The following DCLK2 variants were observed in gnomAD, a reference collection of about 807,000 sequenced individuals.
DCLK2 encodes the protein doublecortin like kinase 2.
In DCLK2, 31 loss-of-function variants were observed where a neutral mutation model predicts 78.4. That is an observed-to-expected ratio of 0.40 (90% CI 0.30 to 0.53). The LOEUF is 0.53. DCLK2 is among the 20% of genes least tolerant of loss of function. DCLK2 has a pLI of 0.61. For synonymous variants in DCLK2, 407 were observed against 374.9 expected, an observed-to-expected ratio of 1.09 and a Z score of -0.99; for missense variants, 872 against 973.7, an observed-to-expected ratio of 0.90 and a Z score of 1.39.
At chr4:150,200,112 A>G (rs926214417) in intron 4 of DCLK2, among the ~76,000 whole-genome samples, 2 of 152,248 alleles carry the variant, frequency 1.3e-5, no homozygotes, top group African/African-American at 4.8e-5. Flanking sequence ...AAAAATTAAC[A>G]TATTGAACTA....
chr4:150,248,358 A>G lies in DCLK2; in HGVS notation c.1929A>G (p.Gly643=), dbSNP rs1454197099. The change falls in exon 14 of 16, where the codon GGA becomes GGG. Residue 643 remains glycine (G), a synonymous_variant. Transcript: ENST00000296550. The part of the protein sequence containing the change: ...QVNVEARCTA[G]QILSHPWVSD... ...ATGTTGAAGCTCGGTGTACCGCGGG[A>G]CAAATCCTGAGTCACCCCTGGGTGT... The G allele has an allele frequency of 6.2e-7, 1 of 1,613,928 alleles. No individual in the cohort carries two copies. Among genetic ancestry groups the G allele is most frequent in the South Asian group, 1.1e-5 (1 of 91,074 alleles).
In DCLK2 at chr4:150,212,294, T is replaced by A. The variant is rs545419350; in HGVS notation, c.1056+8405T>A. On this transcript the variant is annotated intron_variant, in intron 5 of 15. Transcript: ENST00000296550. ...AAAGATTTTCCAGATTTGTGAAGTG[T>A]GATGAAAGGGCTGGTAGTATCTCAT... Among the ~76,000 whole-genome samples the A allele has an allele frequency of 8.5e-5, 13 of 152,342 alleles. No homozygotes were observed. In the East Asian group the frequency reaches 2.3e-3, roughly 27 times the overall value.
At chr4:150,091,767 TTATGTGTGTGTGTGTG>T (rs1373690861) in intron 1 of DCLK2, among the ~76,000 whole-genome samples, 2 of 133,720 alleles carry the variant, frequency 1.5e-5, no homozygotes, top group East Asian at 2.3e-4. Flanking sequence ...AAAGGAACAT[TTATGTGTGTGTGTGTG>T]TGTGTGTGTG....
At chr4:150,246,787 C>T (rs1249670845) in intron 12 of DCLK2, among the ~76,000 whole-genome samples, 1 of 152,138 alleles carries the variant, frequency 6.6e-6, no homozygotes, top group Non-Finnish European at 1.5e-5. Context: ...AGCCTGTATT[C>T]ATCAGGCACT....
At chr4:150,219,236 C>T (rs1207260044) in intron 5 of DCLK2, among the ~76,000 whole-genome samples, 1 of 136,486 alleles carries the variant, frequency 7.3e-6, no homozygotes, top group Non-Finnish European at 1.6e-5. Context: ...TGGCCATTTA[C>T]ATTCAACAGT....
At position 150,175,011 on chromosome 4, in the gene DCLK2, A is replaced by AAAAATATATATATATATATAT. The variant is rs1454035697; in HGVS notation, c.757-18126_757-18125insAAATATATATATATATATATA. On this transcript the variant is annotated intron_variant, in intron 2 of 15. Transcript: ENST00000296550. The stretch of plus-strand genomic sequence containing the variant: ...AGACTCCGTCGCAAAAAAAAAAAAA[A>AAAAATATATATATATATATAT]ATATATATATATATATATATATTTA... Among the ~76,000 whole-genome samples, 5 of 9,974 alleles carry AAAAATATATATATATATATAT rather than the reference A, an allele frequency of 5.0e-4. 2 individuals carry two copies. The highest frequency in any genetic ancestry group is 1.2e-3 in the Non-Finnish European group (5 of 4,166). The allele number at this position is 9,974 out of a possible 152,430, so 6.5% of individuals were successfully genotyped here.
chr4:150,124,688 C>G (rs1732801011), intron 2 of DCLK2, among the ~76,000 whole-genome samples: 1 of 152,072 alleles, frequency 6.6e-6, no homozygotes, highest in South Asian at 2.1e-4. Context: ...TTATAAAAGC[C>G]CACTTAAGTA....
chr4:150,079,680 T>C (rs72730320), intron 1 of DCLK2, among the ~76,000 whole-genome samples: 20,790 of 152,294 alleles, frequency 0.14, 1,814 homozygotes, highest in Non-Finnish European at 0.19. Context: ...AATTTCCTGA[T>C]GGTCAGGCCA....
At chr4:150,253,871 A>T (rs1744366977) in intron 15 of DCLK2, 2 of 985,336 alleles carry the variant, frequency 2.0e-6, no homozygotes, top group Non-Finnish European at 2.4e-6. Context: ...GCAGCTTAAG[A>T]TGGTGCCTTC....
In DCLK2 at chr4:150,160,871, A is replaced by G. The variant is rs1297279870; in HGVS notation, c.757-32267A>G. 2.6e-5 allele frequency among the ~76,000 whole-genome samples: 4 copies of G among 152,314 alleles called. No homozygotes were observed. The South Asian group carries it at 8.3e-4, about 32-fold the overall frequency. ...AGTGCCTCCATGTTATTGGTGAGAT[A>G]ATTAAAGCTCCAGAGAGGCTGTGAC... On this transcript the variant is annotated intron_variant, in intron 2 of 15. Coordinates refer to ENST00000296550, the MANE Select transcript of DCLK2 (RefSeq NM_001040260.4).
At chr4:150,219,258 CTTTTTTTT>C (rs375592229) in intron 5 of DCLK2, among the ~76,000 whole-genome samples, 3 of 72,128 alleles carry the variant, frequency 4.2e-5, no homozygotes, top group African/African-American at 1.1e-4. Flanking sequence ...CACAAACATT[CTTTTTTTT>C]TTTTTTTTTT....
At chr4:150,195,055 A>G in intron 3 of DCLK2, among the ~76,000 whole-genome samples, 1 of 143,516 alleles carries the variant, frequency 7.0e-6, no homozygotes. Context: ...GAAAGTCCTT[A>G]ATTATAGATA....
At chr4:150,219,673 A>AT (rs1258384013) in intron 5 of DCLK2, among the ~76,000 whole-genome samples, 5 of 152,232 alleles carry the variant, frequency 3.3e-5, no homozygotes, top group Admixed American at 2.6e-4. Context: ...TTTTACAGGG[A>AT]TAAGCTAATT....
intron 2 of DCLK2, among the ~76,000 whole-genome samples, chr4:150,156,524 A>AAATG (rs60728914): frequency 6.6e-6 from 1 of 151,370 alleles, no homozygotes; most frequent in Non-Finnish European, 1.5e-5. Context: ...ATAAATAAAT[A>AAATG]GCCGGGCATG....
chr4:150,201,018 A>G (rs1739408693), intron 4 of DCLK2, among the ~76,000 whole-genome samples: 1 of 152,124 alleles, frequency 6.6e-6, no homozygotes, highest in Non-Finnish European at 1.5e-5. Context: ...AGGTTTCGCC[A>G]TGTTGGCCAG....
In DCLK2 at chr4:150,221,710, CTCT is replaced by C; in HGVS notation, c.1171_1173del (p.Leu391del). The C allele has an allele frequency of 1.2e-6, 2 of 1,605,246 alleles. No individual in the cohort carries two copies. The highest frequency in any genetic ancestry group is 2.3e-5 in the East Asian group (1 of 44,318). On this transcript the variant is annotated inframe_deletion, in exon 7 of 16. Transcript: ENST00000296550. ...GGAAACAGATGCTCTGAATCATCAA[CTCT>C]TCTTGAGAAATACAAAATTGGAAAG...
At chr4:150,221,656 T>C in intron 6 of DCLK2, 21 bp from the exon 7 acceptor site, 2 of 1,507,740 alleles carry the variant, frequency 1.3e-6, no homozygotes, top group Non-Finnish European at 1.8e-6. Context: ...TCTTTAGAAT[T>C]TGCATTTATC....
chr4:150,256,210 G>C lies in DCLK2; in HGVS notation c.2264G>C (p.Gly755Ala), dbSNP rs752871470. Residue 755 changes from glycine to alanine, a missense_variant, in exon 16 of 16, where the codon GGT becomes GCT. This residue lies in a region of DCLK2 where 219 missense variants were observed against 230.1 expected (regional missense o/e 0.95). Transcript: ENST00000296550. ...TPHPPPAAPG[G>A]ERAGTWRRHR... is the part of the protein sequence containing the mutation. ...CACCCTCCTCCCGCTGCCCCGGGTG[G>C]TGAGCGGGCAGGAACCTGGCGCCGC... 49 of 1,544,824 alleles carry C rather than the reference G, an allele frequency of 3.2e-5. No homozygotes were observed. The highest frequency in any genetic ancestry group is 4.0e-5 in the Non-Finnish European group (46 of 1,145,616).
rs2126589037 is a variant in DCLK2 at position 150,237,219 on chromosome 4, A to G, written c.1567-2523A>G. On this transcript the variant is annotated intron_variant, in intron 10 of 15. Coordinates refer to ENST00000296550, the MANE Select transcript of DCLK2 (RefSeq NM_001040260.4). ...CCAAAGTCTGGGTTTTGGTAAAAGC[A>G]TTATAAATTCTAACTATAATTATAT... Among the ~76,000 whole-genome samples, 2 of 116,444 alleles carry G rather than the reference A, an allele frequency of 1.7e-5. 1 individual carries two copies. The highest frequency in any genetic ancestry group is 7.7e-4 in the South Asian group (2 of 2,582). 76.4% of individuals were successfully genotyped at this position (116,444 alleles called of 152,430 possible). A position where few individuals can be genotyped will look rare whatever the true frequency, so the allele number is the denominator to read the frequency against.
Sources: allele counts gnomAD v4.1 joint callset (sites outside exome capture counted in the v4.1 genomes callset), GRCh38; gene constraint gnomAD v4.1.1; regional missense constraint gnomAD v4.1.1; transcripts MANE v1.5; gene names NCBI Gene and HGNC (gene_info 2026-07-23, HGNC 2026-07-21).